The following SH3RF3 variants were observed in gnomAD, a reference collection of about 807,000 sequenced individuals.
SH3RF3 encodes the protein E3 ubiquitin-protein ligase SH3RF3.
SH3RF3 carries 29 observed loss-of-function variants against 66.3 expected under a neutral mutation model. The ratio of observed to expected loss-of-function variants is 0.44; its 90% CI spans 0.33 to 0.60. The LOEUF is 0.60. Ranked by LOEUF, SH3RF3 falls within the 20% of genes least tolerant of loss-of-function variation. The pLI is 0.04. For synonymous variants in SH3RF3, 583 were observed against 532.0 expected, an observed-to-expected ratio of 1.10 and a Z score of -1.32; for missense variants, 1,194 against 1,190.9, an observed-to-expected ratio of 1.00 and a Z score of -0.04.
intron 1 of SH3RF3, among the ~76,000 whole-genome samples, chr2:109,247,297 A>G (rs1679940049): frequency 6.6e-6 from 1 of 152,196 alleles, no homozygotes. Context: ...ATGGCTTTCA[A>G]GAGCTTTCTT....
chr2:109,369,376 C>T (rs922440402), intron 2 of SH3RF3, among the ~76,000 whole-genome samples: 1 of 152,086 alleles, frequency 6.6e-6, no homozygotes, highest in Non-Finnish European at 1.5e-5. Context: ...AAAGAAAAGC[C>T]CCACACACTC....
Position 109,396,896 on chromosome 2 carries a change from G to A in SH3RF3, c.946-1694G>A, listed in dbSNP as rs188223949. Among the ~76,000 whole-genome samples, 10 of 152,346 alleles carry A rather than the reference G, an allele frequency of 6.6e-5. No individual in the cohort carries two copies. In the East Asian group the frequency reaches 1.9e-3, roughly 29 times the overall value. ...CTTGCCTGCTGTGGTTCCCACCTTCGTGGATCTCACTGACTCACTGCCTCT... is the reference window on the plus strand; with the variant it reads ...CTTGCCTGCTGTGGTTCCCACCTTCATGGATCTCACTGACTCACTGCCTCT... On this transcript the variant is annotated intron_variant, in intron 3 of 9. Coordinates refer to ENST00000309415, the MANE Select transcript of SH3RF3 (RefSeq NM_001099289.3).
At chr2:109,377,230 G>A (rs1345229766) in intron 3 of SH3RF3, among the ~76,000 whole-genome samples, 6 of 152,206 alleles carry the variant, frequency 3.9e-5, no homozygotes, top group African/African-American at 9.6e-5. Context: ...AATAAGAAGT[G>A]TGAAGCCTGA....
intron 7 of SH3RF3, among the ~76,000 whole-genome samples, chr2:109,442,028 T>C (rs1295399343): frequency 6.6e-6 from 1 of 152,134 alleles, no homozygotes; most frequent in Non-Finnish European, 1.5e-5. Context: ...ATCCACACTA[T>C]TGGCCAGGCA....
chr2:109,299,688 G>A (rs1681410126), intron 1 of SH3RF3, among the ~76,000 whole-genome samples: 1 of 152,226 alleles, frequency 6.6e-6, no homozygotes, highest in South Asian at 2.1e-4. Context: ...AGTTCTGCCC[G>A]GAATGTTCTA....
chr2:109,334,839 A>G (rs1328227201), intron 1 of SH3RF3, among the ~76,000 whole-genome samples: 2 of 152,292 alleles, frequency 1.3e-5, no homozygotes, highest in African/African-American at 2.4e-5. Flanking sequence ...TCCCCTCAGT[A>G]GCACTTCCAG....
In SH3RF3 at chr2:109,398,808, G is replaced by A. The variant is rs775419454; in HGVS notation, c.1164G>A (p.Thr388=). The A allele has an allele frequency of 4.3e-6, 7 of 1,613,812 alleles. No homozygotes were observed. The Admixed American group carries it at 8.3e-5, about 19-fold the overall frequency. ...KRHSFTALSV[T]HRSSQAASHR... ...ACTCCTTCACCGCGCTCAGTGTGACGCACAGATCCTCCCAGGCTGCCAGCC... is the reference window on the plus strand; with the variant it reads ...ACTCCTTCACCGCGCTCAGTGTGACACACAGATCCTCCCAGGCTGCCAGCC... Residue 388 remains threonine, a synonymous_variant, in exon 4 of 10, where the codon ACG becomes ACA. Coordinates refer to ENST00000309415, the MANE Select transcript of SH3RF3 (RefSeq NM_001099289.3).
At chr2:109,331,814 C>A (rs528339335) in intron 1 of SH3RF3, among the ~76,000 whole-genome samples, 1 of 152,160 alleles carries the variant, frequency 6.6e-6, no homozygotes, top group East Asian at 1.9e-4. Flanking sequence ...TTAAAAGTCT[C>A]GTGTTCAGAT....
chr2:109,374,513 G>A (rs1271104252), intron 3 of SH3RF3, among the ~76,000 whole-genome samples: 1 of 152,194 alleles, frequency 6.6e-6, no homozygotes, highest in Non-Finnish European at 1.5e-5. Flanking sequence ...GGCATTTGAG[G>A]TGGGAACTTG....
intron 8 of SH3RF3, among the ~76,000 whole-genome samples, chr2:109,468,259 T>C (rs1678410962): frequency 6.6e-6 from 1 of 152,226 alleles, no homozygotes; most frequent in Admixed American, 6.5e-5. Context: ...CATGTGACTG[T>C]GTTGAACACC....
chr2:109,137,250 T>A (rs886944628), intron 1 of SH3RF3, among the ~76,000 whole-genome samples: 2 of 152,232 alleles, frequency 1.3e-5, no homozygotes, highest in Non-Finnish European at 2.9e-5. Context: ...TGTTTATTCT[T>A]CCATAGTCTA....
chr2:109,223,363 G>A (rs1411384379), intron 1 of SH3RF3, among the ~76,000 whole-genome samples: 5 of 152,192 alleles, frequency 3.3e-5, no homozygotes, highest in South Asian at 2.1e-4. Flanking sequence ...TCTGAAGCCC[G>A]AAGAAGCAGG....
Position 109,328,033 on chromosome 2 carries a change from T to C in SH3RF3, c.574-19641T>C, listed in dbSNP as rs568939625. Among the ~76,000 whole-genome samples, 4 of 152,288 alleles carry C rather than the reference T, an allele frequency of 2.6e-5. 1 individual carries two copies. The South Asian group carries it at 8.3e-4, about 32-fold the overall frequency. ...TCCATATGTCCCTCCACTTTTTTTG[T>C]TTTTTGGGGAATCCTTTAAAGAAAA... On this transcript the variant is annotated intron_variant, in intron 1 of 9. Coordinates refer to ENST00000309415, the MANE Select transcript of SH3RF3 (RefSeq NM_001099289.3).
intron 1 of SH3RF3, among the ~76,000 whole-genome samples, chr2:109,157,686 C>T (rs1263889215): frequency 1.3e-5 from 2 of 152,162 alleles, no homozygotes; most frequent in African/African-American, 2.4e-5. Context: ...TACTGAGCTG[C>T]CTGTTTTATC....
At chr2:109,434,501 T>C (rs932405644) in intron 6 of SH3RF3, among the ~76,000 whole-genome samples, 1 of 152,228 alleles carries the variant, frequency 6.6e-6, no homozygotes, top group African/African-American at 2.4e-5. Context: ...CGTGTGTCAG[T>C]CAGTGTCACC....
At chr2:109,141,806 C>T (rs1010986209) in intron 1 of SH3RF3, among the ~76,000 whole-genome samples, 2 of 152,194 alleles carry the variant, frequency 1.3e-5, no homozygotes, top group East Asian at 1.9e-4. Context: ...GTCAGGGTGA[C>T]GGTTGTGTCC....
intron 2 of SH3RF3, among the ~76,000 whole-genome samples, chr2:109,361,015 C>T (rs1007995953): frequency 6.6e-6 from 1 of 152,152 alleles, no homozygotes; most frequent in Non-Finnish European, 1.5e-5. Context: ...TTGTAGTTTA[C>T]TGAGAGTTTT....
chr2:109,480,124 T>A (rs1678797650), intron 8 of SH3RF3, among the ~76,000 whole-genome samples: 1 of 152,180 alleles, frequency 6.6e-6, no homozygotes, highest in South Asian at 2.1e-4. Context: ...TCCAACATAG[T>A]GAGAAAGCAA....
chr2:109,133,430 T>C (rs1176271907), intron 1 of SH3RF3, among the ~76,000 whole-genome samples: 1 of 152,248 alleles, frequency 6.6e-6, no homozygotes, highest in Non-Finnish European at 1.5e-5. Flanking sequence ...TTTTATTTTA[T>C]AAGCATACAC....
Sources: gnomAD v4.1 joint callset for allele counts (sites outside exome capture counted in the v4.1 genomes callset) on GRCh38, gnomAD v4.1.1 for gene constraint, MANE v1.5 for transcripts, NCBI Gene and HGNC (gene_info 2026-07-23, HGNC 2026-07-21) for gene names.